Variants in KLC4 observed in about 807,000 individuals in gnomAD.
KLC4 encodes kinesin light chain 4.
A neutral mutation model predicts 77.2 loss-of-function variants in KLC4; 49 were observed. The ratio of observed to expected loss-of-function variants is 0.63; its 90% CI spans 0.50 to 0.80. The LOEUF (loss-of-function observed/expected upper bound fraction) is 0.80. Ranked by LOEUF, KLC4 falls within the 30% of genes least tolerant of loss-of-function variation. The probability of loss-of-function intolerance (pLI) is 0.00; values close to 1 mark genes in which losing one functional copy is unlikely to be tolerated. For missense variants in KLC4, 669 were observed against 793.5 expected, an observed-to-expected ratio of 0.84 and a Z score of 1.89; for synonymous variants, 274 against 314.5, an observed-to-expected ratio of 0.87 and a Z score of 1.36.
At chr6:43,060,507 A>G (rs1765091173) in intron 1 of KLC4, 2 of 1,325,812 alleles carry the variant, frequency 1.5e-6, no homozygotes, top group South Asian at 3.0e-5. Flanking sequence ...GGACTTCTGG[A>G]CTTTGGGCAG....
intron 1 of KLC4, 156 bp from the exon 2 acceptor site, chr6:43,061,155 A>G: frequency 1.4e-6 from 1 of 735,390 alleles, no homozygotes; most frequent in Non-Finnish European, 2.2e-6. Flanking sequence ...TTAGTGATCT[A>G]AGCTCCCTGC....
rs555457901 is a variant in KLC4, at chr6:43,061,166, C to CT, written c.-25-144dup. 7.4e-6 allele frequency: 6 copies of CT among 807,018 alleles called. No individual in the cohort carries two copies. In the African/African-American group the frequency reaches 1.0e-4, roughly 14 times the overall value. 50.0% of individuals were successfully genotyped at this position (807,018 alleles called of 1,614,324 possible). A position where few individuals can be genotyped will look rare whatever the true frequency, so the allele number is the denominator to read the frequency against. On this transcript the variant is annotated intron_variant, in intron 1 of 15. Coordinates refer to ENST00000347162, the MANE Select transcript of KLC4 (RefSeq NM_201521.3). Reference sequence around the variant, plus strand: ...GAGTTTAGTGATCTAAGCTCCCTGCCTGCTGGTCACTCTCTCTCTCCAGCT... The same window carrying CT: ...GAGTTTAGTGATCTAAGCTCCCTGCCTTGCTGGTCACTCTCTCTCTCCAGCT...
chr6:43,072,210 G>A lies in KLC4; in HGVS notation c.1443G>A (p.Glu481=). ...TGTATAGGCGCCAGGGAAAGCTGGAGGCTGCTGAGACCCTGGAGGAATGTG... is the reference window on the plus strand; with the variant it reads ...TGTATAGGCGCCAGGGAAAGCTGGAAGCTGCTGAGACCCTGGAGGAATGTG... ...GALYRRQGKL[E]AAETLEECAL... The change falls in exon 12 of 16, where the codon GAG becomes GAA. Residue 481 remains glutamate, a synonymous_variant. Coordinates refer to ENST00000347162, the MANE Select transcript of KLC4 (RefSeq NM_201521.3). The A allele has an allele frequency of 6.2e-7, 1 of 1,614,170 alleles. No individual in the cohort carries two copies. The highest frequency in any genetic ancestry group is 8.5e-7 in the Non-Finnish European group (1 of 1,180,026).
Position 43,072,898 on chromosome 6 carries a change from G to C in KLC4, c.1563G>C (p.Glu521Asp). 6.2e-7 allele frequency: 1 copy of C among 1,612,508 alleles called. No homozygotes were observed. Among genetic ancestry groups the C allele is most frequent in the Non-Finnish European group, 8.5e-7 (1 of 1,179,362 alleles). Residue 521 changes from glutamate to aspartate, a missense_variant, in exon 13 of 16, where the codon GAG (glutamate) becomes GAC (aspartate). Physicochemically the swap from Glu to Asp is conservative, Grantham distance 45. Transcript: ENST00000347162. ...GTGATGGTAGAAGGACCTCCCAGGA[G>C]GGCCCTGGAGACAGTGTGAAATTCG... ...GESDGRRTSQ[E>D]GPGDSVKFEG...
intron 3 of KLC4, 122 bp from the exon 4 acceptor site, chr6:43,065,498 G>C (rs977956248): frequency 3.1e-6 from 2 of 645,678 alleles, no homozygotes; most frequent in East Asian, 2.7e-5. Context: ...CAGGGGCAGA[G>C]ACAGGAACAA....
At chr6:43,067,258 T>G (rs1331509379) in intron 6 of KLC4, 175 bp downstream of exon 6, 2 of 1,289,470 alleles carry the variant, frequency 1.6e-6, no homozygotes, top group Non-Finnish European at 2.0e-6. Context: ...GATTCTCAAT[T>G]CTCTGAGACT....
intron 6 of KLC4, among the ~76,000 whole-genome samples, chr6:43,068,288 A>G (rs1282209514): frequency 1.3e-5 from 2 of 151,110 alleles, no homozygotes; most frequent in Non-Finnish European, 2.9e-5. Flanking sequence ...CCTGGCCAAC[A>G]TGGTGAAACC....
chr6:43,071,354 A>G lies in KLC4; in HGVS notation c.1235A>G (p.Gln412Arg), dbSNP rs1346598471. ...GAGATCCTGACCCGTGCCCATGTAC[A>G]GGAGTTTGGGTCTGTGGATGGTGAG... ...YKEILTRAHV[Q>R]EFGSVDDDHK... is the part of the protein sequence containing the mutation. Residue 412 changes from glutamine (Q) to arginine (R), a missense_variant, in exon 9 of 16, where the codon CAG becomes CGG. Gln to Arg is a conservative substitution (Grantham distance 43). Coordinates refer to ENST00000347162, the MANE Select transcript of KLC4 (RefSeq NM_201521.3). 2 of 1,613,502 alleles carry G rather than the reference A, an allele frequency of 1.2e-6. No homozygotes were observed. Among genetic ancestry groups the G allele is most frequent in the Admixed American group, 3.3e-5 (2 of 59,996 alleles).
intron 6 of KLC4, among the ~76,000 whole-genome samples, chr6:43,068,451 A>G (rs998795881): frequency 1.3e-5 from 2 of 152,030 alleles, no homozygotes; most frequent in African/African-American, 4.8e-5. Context: ...CAGCCTGGGC[A>G]GCAAGAGCAA....
intron 11 of KLC4, 105 bp from the exon 12 acceptor site, chr6:43,072,042 C>G: frequency 7.2e-7 from 1 of 1,387,090 alleles, no homozygotes; most frequent in Non-Finnish European, 1.0e-6. Context: ...GCTCTGTTCC[C>G]TCTCCTATTT....
chr6:43,066,913 G>A (rs906134881), intron 5 of KLC4, 83 bp from the exon 6 acceptor site: 4 of 1,550,236 alleles, frequency 2.6e-6, no homozygotes, highest in Non-Finnish European at 3.5e-6. Flanking sequence ...ATCCTTAAAT[G>A]TACTCAGTCC....
At chr6:43,070,982 G>T (rs1765693628) in intron 8 of KLC4, 117 bp downstream of exon 8, 2 of 944,242 alleles carry the variant, frequency 2.1e-6, no homozygotes, top group African/African-American at 3.3e-5. Context: ...ATCACAGTCT[G>T]GCACACTGCT....
At chr6:43,068,428 C>T (rs935774462) in intron 6 of KLC4, among the ~76,000 whole-genome samples, 14 of 151,888 alleles carry the variant, frequency 9.2e-5, no homozygotes, top group South Asian at 4.2e-4. Flanking sequence ...GGTGAGATCG[C>T]GCCTCTACAC....
rs369487235 is a variant in KLC4 at position 43,074,652 on chromosome 6, G to A, written c.1840G>A (p.Asp614Asn). ...CCGGGGCCTCAGTGCCAGCACCATG[G>A]ACCTCTCTTCAAGCAGCTGACATTC... ...VSRGLSASTMDLSSSS is the reference protein window; with the variant it reads ...VSRGLSASTMNLSSSS Residue 614 changes from aspartate (D) to asparagine (N), a missense_variant, in exon 16 of 16, where the codon GAC (aspartate) becomes AAC (asparagine). Physicochemically the swap from Asp to Asn is conservative, Grantham distance 23. Coordinates refer to ENST00000347162, the MANE Select transcript of KLC4 (RefSeq NM_201521.3). 7.2e-5 allele frequency: 117 copies of A among 1,614,018 alleles called. No individual in the cohort carries two copies. Among genetic ancestry groups the A allele is most frequent in the Non-Finnish European group, 9.3e-5 (110 of 1,180,014 alleles).
rs1225871402 is a variant in KLC4, at chr6:43,060,531, ACT to A, written c.-25-775_-25-774del. 2.3e-5 allele frequency: 29 copies of A among 1,281,912 alleles called. No homozygotes were observed. The East Asian group carries it at 8.7e-4, about 38-fold the overall frequency. The allele number at this position is 1,281,912 out of a possible 1,614,324, so 79.4% of individuals were successfully genotyped here. On this transcript the variant is annotated intron_variant, in intron 1 of 15. Transcript: ENST00000347162. ...GACTTTGGGCAGGGCAGATCCTCTG[ACT>A]CTCTGGCTGCAGAACAGTTTCTTCC... is the stretch of plus-strand genomic sequence containing the variant.
In KLC4 at chr6:43,067,939, C is replaced by T. The variant is rs542928442; in HGVS notation, c.879+856C>T. 1.4e-4 allele frequency among the ~76,000 whole-genome samples: 16 copies of T among 113,248 alleles called. 2 individuals are homozygous for T. Among genetic ancestry groups the T allele is most frequent in the East Asian group, 1.0e-3 (4 of 3,908 alleles). The allele number at this position is 113,248 out of a possible 152,430, so 74.3% of individuals were successfully genotyped here. ...CATCCTGGCTAAAACGGTGAAACCC[C>T]GTCTCTACTAAAAATACAAAAAATT... On this transcript the variant is annotated intron_variant, in intron 6 of 15. Coordinates refer to ENST00000347162, the MANE Select transcript of KLC4 (RefSeq NM_201521.3).
At chr6:43,066,628 G>A (rs1231165433) in intron 5 of KLC4, 103 bp downstream of exon 5, 8 of 997,658 alleles carry the variant, frequency 8.0e-6, no homozygotes, top group Non-Finnish European at 1.2e-5. Flanking sequence ...TCTCCTCCCT[G>A]TTGGGCCTCC....
At position 43,063,257 on chromosome 6, in the gene KLC4, C is replaced by T. The variant is rs184220761; in HGVS notation, c.489+110C>T. On this transcript the variant is annotated intron_variant, in intron 3 of 15. Coordinates refer to ENST00000347162, the MANE Select transcript of KLC4 (RefSeq NM_201521.3). ...GGGTCCATCAGCTCTACCCAACCTG[C>T]TCTCACCTGAAAGAATTCCTTTTTC... The T allele has an allele frequency of 2.8e-5, 21 of 760,042 alleles. No individual in the cohort carries two copies. The Admixed American group carries it at 4.0e-4, about 14-fold the overall frequency. The allele number at this position is 760,042 out of a possible 1,614,324, so 47.1% of individuals were successfully genotyped here. A position where few individuals can be genotyped will look rare whatever the true frequency, so the allele number is the denominator to read the frequency against.
chr6:43,066,910 A>C, intron 5 of KLC4, 86 bp from the exon 6 acceptor site: 9 of 1,545,476 alleles, frequency 5.8e-6, no homozygotes, highest in Non-Finnish European at 7.0e-6. Flanking sequence ...CCAATCCTTA[A>C]ATGTACTCAG....
Sources: gnomAD v4.1 joint callset for allele counts (sites outside exome capture counted in the v4.1 genomes callset) on GRCh38, gnomAD v4.1.1 for gene constraint, MANE v1.5 for transcripts, NCBI Gene and HGNC (gene_info 2026-07-23, HGNC 2026-07-21) for gene names.